The following MIGA1 variants were observed in gnomAD, a reference collection of about 807,000 sequenced individuals.
MIGA1 encodes the protein mitoguardin 1.
A neutral mutation model predicts 82.0 loss-of-function variants in MIGA1; 58 were observed. The ratio of observed to expected loss-of-function variants is 0.71; its 90% CI spans 0.57 to 0.88. The LOEUF is 0.88. Among genes scored for constraint, MIGA1 ranks in the 40% least tolerant of loss-of-function variants. The pLI, the probability that MIGA1 is intolerant of heterozygous loss-of-function variation, is 0.00. For synonymous variants in MIGA1, 249 were observed against 253.6 expected, an observed-to-expected ratio of 0.98 and a Z score of 0.17; for missense variants, 751 against 749.1, an observed-to-expected ratio of 1.00 and a Z score of -0.03.
At chr1:77,847,722 G>T in intron 8 of MIGA1, 1 of 1,581,538 alleles carries the variant, frequency 6.3e-7, no homozygotes, top group Non-Finnish European at 8.7e-7. Context: ...TGAAGAGGAA[G>T]TACCTAAATG....
rs1685379211 is a variant in MIGA1, at chr1:77,859,304, T to C, written c.1116-10T>C. The C allele has an allele frequency of 1.2e-6, 2 of 1,605,090 alleles. No individual in the cohort carries two copies. The highest frequency in any genetic ancestry group is 1.3e-5 in the African/African-American group (1 of 74,804). ...TAGTTTAACAATTGTCTCCCCTGTTTATTACATAGAACTGAAATGTTGGAG... is the reference window on the plus strand; with the variant it reads ...TAGTTTAACAATTGTCTCCCCTGTTCATTACATAGAACTGAAATGTTGGAG... On this transcript the variant is annotated splice_polypyrimidine_tract_variant and intron_variant, in intron 9 of 15. Transcript: ENST00000370791.
chr1:77,795,549 G>T (rs182747883), intron 2 of MIGA1, among the ~76,000 whole-genome samples: 395 of 151,496 alleles, frequency 2.6e-3, no homozygotes, highest in South Asian at 0.013. Flanking sequence ...GCCCAGGCTG[G>T]TCTCAAACTC....
intron 12 of MIGA1, among the ~76,000 whole-genome samples, chr1:77,863,266 C>T (rs1027996941): frequency 9.2e-5 from 14 of 152,166 alleles, no homozygotes; most frequent in African/African-American, 3.4e-4. Flanking sequence ...TTTCTCTGGG[C>T]TACATCAGTA....
chr1:77,853,397 G>GTAT (rs912979586), intron 8 of MIGA1: 51 of 159,776 alleles, frequency 3.2e-4, no homozygotes, highest in African/African-American at 1.2e-3. Flanking sequence ...CCCTGACCAA[G>GTAT]TATTGGTTGA....
intron 14 of MIGA1, among the ~76,000 whole-genome samples, chr1:77,866,723 G>A (rs946333078): frequency 7.8e-6 from 1 of 128,632 alleles, no homozygotes; most frequent in African/African-American, 3.0e-5. Context: ...TGTCTCTGTT[G>A]TCCAGGCTGG....
chr1:77,834,092 A>G (rs942632320), intron 7 of MIGA1, among the ~76,000 whole-genome samples: 1 of 152,222 alleles, frequency 6.6e-6, no homozygotes, highest in African/African-American at 2.4e-5. Flanking sequence ...GTGAAACTTT[A>G]TACGTCATCA....
At position 77,807,094 on chromosome 1, in the gene MIGA1, C is replaced by A; in HGVS notation, c.630C>A (p.Tyr210Ter). 1 of 1,581,088 alleles carries A rather than the reference C, an allele frequency of 6.3e-7. No homozygotes were observed. The highest frequency in any genetic ancestry group is 1.7e-5 in the Admixed American group (1 of 57,446). ...CTGTGACTACTCCAGAGAACTTATA[C>A]TTAATGGGTAGGAATGAGATGATAA... Residue 210 changes from tyrosine to a stop codon, truncating the protein, a stop_gained, in exon 5 of 16, where the codon TAC (tyrosine) becomes TAA (stop). Transcript: ENST00000370791. LOFTEE classifies it high-confidence loss of function.
chr1:77,824,973 T>C (rs925819275), intron 7 of MIGA1, among the ~76,000 whole-genome samples: 5 of 150,070 alleles, frequency 3.3e-5, no homozygotes, highest in African/African-American at 1.2e-4. Flanking sequence ...TAGTTATTTG[T>C]TCTATTCCTC....
intron 14 of MIGA1, among the ~76,000 whole-genome samples, chr1:77,870,603 G>T (rs1248608888): frequency 1.3e-5 from 2 of 149,642 alleles, no homozygotes; most frequent in Non-Finnish European, 3.0e-5. Context: ...TTCCAGACTG[G>T]GCAGCCAGGC....
intron 7 of MIGA1, among the ~76,000 whole-genome samples, chr1:77,827,521 C>T (rs1684079532): frequency 4.6e-5 from 7 of 151,980 alleles, no homozygotes; most frequent in Admixed American, 4.6e-4. Flanking sequence ...GAAGAGAATA[C>T]AGAGCAAATT....
At chr1:77,869,071 T>G (rs989908632) in intron 14 of MIGA1, among the ~76,000 whole-genome samples, 1 of 151,850 alleles carries the variant, frequency 6.6e-6, no homozygotes, top group Non-Finnish European at 1.5e-5. Flanking sequence ...CTGGTTTTCC[T>G]AGGCAGAGGA....
Position 77,869,000 on chromosome 1 carries a change from A to C in MIGA1, c.1563+2609A>C, listed in dbSNP as rs534718409. Among the ~76,000 whole-genome samples the C allele has an allele frequency of 8.6e-3, 1,297 of 150,352 alleles. 15 individuals are homozygous for C. Among genetic ancestry groups the C allele is most frequent in the Admixed American group, 0.013 (196 of 14,990 alleles). On this transcript the variant is annotated intron_variant, in intron 14 of 15. Coordinates refer to ENST00000370791, the MANE Select transcript of MIGA1 (RefSeq NM_198549.4). ...TCGCAGAGGGGGATTTGGCAGGGTC[A>C]TAGGACAATAGTGGAGGGAAGGGAG...
At position 77,843,358 on chromosome 1, in the gene MIGA1, G is replaced by A. The variant is rs750306137; in HGVS notation, c.947G>A (p.Arg316Gln). Reference sequence around the variant, plus strand: ...GGTAATGTGGAAGACTTTGGCCTGCGAGACACCTTGAGCATCGCATCCACG... The same window carrying A: ...GGTAATGTGGAAGACTTTGGCCTGCAAGACACCTTGAGCATCGCATCCACG... Residue 316 changes from arginine to glutamine, a missense_variant, in exon 8 of 16, where the codon CGA becomes CAA. Around this residue, in one of 3 missense-constraint regions of MIGA1, gnomAD observed 482 missense variants for 439.4 expected, o/e 1.10. Transcript: ENST00000370791. The A allele has an allele frequency of 1.1e-5, 17 of 1,613,884 alleles. No individual in the cohort carries two copies. The Admixed American group carries it at 2.2e-4, about 21-fold the overall frequency.
chr1:77,851,604 G>C (rs750098205), intron 8 of MIGA1, among the ~76,000 whole-genome samples: 30 of 152,246 alleles, frequency 2.0e-4, no homozygotes, highest in Admixed American at 4.6e-4. Flanking sequence ...TAAGATTAAT[G>C]ATTTAAATAA....
intron 2 of MIGA1, among the ~76,000 whole-genome samples, chr1:77,798,596 C>T (rs1177230746): frequency 6.6e-6 from 1 of 152,156 alleles, no homozygotes; most frequent in South Asian, 2.1e-4. Context: ...GGCCAACTCA[C>T]AACACGTGGG....
At chr1:77,817,098 C>T (rs1683597607) in intron 7 of MIGA1, among the ~76,000 whole-genome samples, 1 of 152,104 alleles carries the variant, frequency 6.6e-6, no homozygotes, top group Non-Finnish European at 1.5e-5. Flanking sequence ...TTGTAATATT[C>T]ATCGCGGATT....
At chr1:77,779,972 G>T (rs1557889257) in intron 1 of MIGA1, 4 of 1,311,760 alleles carry the variant, frequency 3.0e-6, no homozygotes, top group African/African-American at 1.5e-5. Flanking sequence ...GGCCTGGTTA[G>T]TACTTGCATA....
intron 8 of MIGA1, chr1:77,847,083 C>A: frequency 1.3e-6 from 1 of 786,488 alleles, no homozygotes; most frequent in South Asian, 1.3e-5. Flanking sequence ...ACAGTAGGGC[C>A]ACGTTCAGTA....
At chr1:77,792,129 A>G (rs965925274) in intron 2 of MIGA1, among the ~76,000 whole-genome samples, 1 of 152,202 alleles carries the variant, frequency 6.6e-6, no homozygotes, top group Non-Finnish European at 1.5e-5. Flanking sequence ...GGCTAGGCTT[A>G]TGTCTCCAAA....
Sources: gnomAD v4.1 joint callset for allele counts (sites outside exome capture counted in the v4.1 genomes callset) on GRCh38, gnomAD v4.1.1 for gene constraint, gnomAD v4.1.1 regional missense constraint, MANE v1.5 for transcripts, NCBI Gene and HGNC (gene_info 2026-07-23, HGNC 2026-07-21) for gene names.